Variants in PTPN14 observed in about 807,000 individuals in gnomAD.
PTPN14 encodes protein tyrosine phosphatase non-receptor type 14.
A neutral mutation model predicts 126.8 loss-of-function variants in PTPN14; 53 were observed. The ratio of observed to expected loss-of-function variants is 0.42; its 90% confidence interval spans 0.34 to 0.53. PTPN14 has a LOEUF of 0.53. Among genes scored for constraint, PTPN14 ranks in the 20% least tolerant of loss-of-function variants. The pLI, the probability that PTPN14 is intolerant of heterozygous loss-of-function variation, is 0.08. For missense variants in PTPN14, 1,257 were observed against 1,552.9 expected, an observed-to-expected ratio of 0.81 and a Z score of 3.20; for synonymous variants, 630 against 599.3, an observed-to-expected ratio of 1.05 and a Z score of -0.75.
chr1:214,389,067 T>G (rs1488471677), intron 11 of PTPN14, among the ~76,000 whole-genome samples: 1 of 152,202 alleles, frequency 6.6e-6, no homozygotes, highest in Non-Finnish European at 1.5e-5. Flanking sequence ...GAGTTGCAAT[T>G]TAAAAATATT....
Position 214,356,820 on chromosome 1 carries a change from A to C in PTPN14, c.*1102T>G, listed in dbSNP as rs928895589. On this transcript the variant is annotated 3_prime_UTR_variant, in exon 19 of 19. Coordinates refer to ENST00000366956, the MANE Select transcript of PTPN14 (RefSeq NM_005401.5). The stretch of plus-strand genomic sequence containing the variant: ...TGGCCAGGACCCCTGTTATGTAGCT[A>C]AATGCCTTACAGCTCCCATAAATCA... The C allele has an allele frequency of 1.1e-4, 17 of 152,230 alleles. No homozygotes were observed. Among genetic ancestry groups the C allele is most frequent in the Admixed American group, 5.2e-4 (8 of 15,288 alleles). The allele number at this position is 152,230 out of a possible 1,614,324, so 9.4% of individuals were successfully genotyped here.
intron 3 of PTPN14, among the ~76,000 whole-genome samples, chr1:214,426,899 C>G (rs935905020): frequency 6.6e-6 from 1 of 152,102 alleles, no homozygotes; most frequent in Non-Finnish European, 1.5e-5. Flanking sequence ...GAGCACTCTC[C>G]AGAAGAGAAG....
In PTPN14 at chr1:214,355,154, A is replaced by G. The variant is rs1289218475; in HGVS notation, c.*2768T>C. 6.6e-6 allele frequency: 1 copy of G among 152,246 alleles called. No individual in the cohort carries two copies. The highest frequency in any genetic ancestry group is 1.5e-5 in the Non-Finnish European group (1 of 68,048). The allele number at this position is 152,246 out of a possible 1,614,324, so 9.4% of individuals were successfully genotyped here. On this transcript the variant is annotated 3_prime_UTR_variant, in exon 19 of 19. Transcript: ENST00000366956. ...GGGTTTCAATATAAACTTTGGCTAG[A>G]AAGTTGAATATTAAACCTACTTCCT... is the stretch of plus-strand genomic sequence containing the variant.
At chr1:214,452,465 T>C (rs1660293361) in intron 2 of PTPN14, among the ~76,000 whole-genome samples, 1 of 152,202 alleles carries the variant, frequency 6.6e-6, no homozygotes, top group Admixed American at 6.5e-5. Context: ...CAGTACCAGA[T>C]TTTAACGGAG....
At chr1:214,519,072 C>T (rs1199375155) in intron 1 of PTPN14, among the ~76,000 whole-genome samples, 1 of 152,088 alleles carries the variant, frequency 6.6e-6, no homozygotes, top group Non-Finnish European at 1.5e-5. Context: ...AGTTCAAGAC[C>T]AGCCTGGCCA....
At chr1:214,461,840 T>G (rs987763533) in intron 2 of PTPN14, among the ~76,000 whole-genome samples, 5 of 152,118 alleles carry the variant, frequency 3.3e-5, no homozygotes, top group Admixed American at 6.5e-5. Context: ...TTTTGTTATA[T>G]CTTAGATTGG....
intron 3 of PTPN14, among the ~76,000 whole-genome samples, chr1:214,433,945 CACACACAAAAAAAAAAAAA>C (rs982472574): frequency 6.7e-4 from 12 of 17,966 alleles, no homozygotes; most frequent in African/African-American, 4.6e-3. Flanking sequence ...CACACACACA[CACACACAAAAAAAAAAAAA>C]AAAAAAAACT....
intron 1 of PTPN14, among the ~76,000 whole-genome samples, chr1:214,495,199 T>C (rs1274693456): frequency 6.6e-6 from 1 of 152,222 alleles, no homozygotes; most frequent in Non-Finnish European, 1.5e-5. Flanking sequence ...TGTAAAATCT[T>C]TGGCATACTA....
chr1:214,430,936 T>C (rs571889121), intron 3 of PTPN14, among the ~76,000 whole-genome samples: 77 of 152,304 alleles, frequency 5.1e-4, no homozygotes, highest in African/African-American at 1.7e-3. Flanking sequence ...ACTCTATATC[T>C]TGCAGAATAC....
At chr1:214,360,112 T>C (rs1163779952) in intron 18 of PTPN14, among the ~76,000 whole-genome samples, 1 of 152,132 alleles carries the variant, frequency 6.6e-6, no homozygotes, top group African/African-American at 2.4e-5. Context: ...GGGCAAATGA[T>C]GGCACCCAGG....
At chr1:214,394,140 T>C (rs889770164) in intron 9 of PTPN14, among the ~76,000 whole-genome samples, 1 of 152,262 alleles carries the variant, frequency 6.6e-6, no homozygotes, top group Non-Finnish European at 1.5e-5. Flanking sequence ...GGCAGTGAGA[T>C]GCCTTGGCTC....
rs1571943443 is a variant in PTPN14 at position 214,351,125 on chromosome 1, T to C, written c.*6797A>G. The C allele has an allele frequency of 2.0e-5, 3 of 151,200 alleles. No individual in the cohort carries two copies. The South Asian group carries it at 6.3e-4, about 32-fold the overall frequency. The allele number at this position is 151,200 out of a possible 1,614,324, so 9.4% of individuals were successfully genotyped here. On this transcript the variant is annotated 3_prime_UTR_variant, in exon 19 of 19. Transcript: ENST00000366956. Reference sequence around the variant, plus strand: ...CACTTTGGGAGGCCGAGGGGGGTCATCACGAGGTCAGAGGTTTGAGACCAG... The same window carrying C: ...CACTTTGGGAGGCCGAGGGGGGTCACCACGAGGTCAGAGGTTTGAGACCAG...
At chr1:214,466,696 C>G (rs1660646931) in intron 1 of PTPN14, among the ~76,000 whole-genome samples, 2 of 152,122 alleles carry the variant, frequency 1.3e-5, no homozygotes, top group South Asian at 4.1e-4. Flanking sequence ...TCTTGCTCAT[C>G]TGATTGTTTT....
chr1:214,516,005 C>T (rs1379836108), intron 1 of PTPN14, among the ~76,000 whole-genome samples: 2 of 152,140 alleles, frequency 1.3e-5, no homozygotes, highest in East Asian at 3.9e-4. Context: ...TTGTACTCAA[C>T]TTTTCAAAGC....
In PTPN14 at chr1:214,418,685, T is replaced by C. The variant is rs139888666; in HGVS notation, c.345-3959A>G. Among the ~76,000 whole-genome samples, 761 of 152,390 alleles carry C rather than the reference T, an allele frequency of 5.0e-3. 5 individuals carry two copies. Among genetic ancestry groups the C allele is most frequent in the African/African-American group, 0.018 (731 of 41,596 alleles). ...CCACCCCTACTTAGACAGTCTGAGC[T>C]ACAGCATATGAGGCAAATGTTGAAA... On this transcript the variant is annotated intron_variant, in intron 3 of 18. Transcript: ENST00000366956.
intron 1 of PTPN14, among the ~76,000 whole-genome samples, chr1:214,501,783 G>C (rs1654705822): frequency 6.6e-6 from 1 of 152,134 alleles, no homozygotes; most frequent in African/African-American, 2.4e-5. Flanking sequence ...TTTTAGGCCA[G>C]GTGCAGTGGC....
intron 7 of PTPN14, among the ~76,000 whole-genome samples, chr1:214,399,246 C>T (rs1266625030): frequency 5.4e-4 from 82 of 152,206 alleles, no homozygotes; most frequent in Non-Finnish European, 8.8e-5. Flanking sequence ...AATAAGGTGA[C>T]CAGCTGTGTC....
chr1:214,440,979 A>G (rs1340863249), intron 3 of PTPN14, among the ~76,000 whole-genome samples: 1 of 152,214 alleles, frequency 6.6e-6, no homozygotes, highest in Non-Finnish European at 1.5e-5. Context: ...TCTTACTGGT[A>G]GGTCAGCCCT....
Position 214,364,386 on chromosome 1 carries a change from T to C in PTPN14, c.3435+126A>G. The C allele has an allele frequency of 7.9e-7, 1 of 1,273,528 alleles. No individual in the cohort carries two copies. Among genetic ancestry groups the C allele is most frequent in the Non-Finnish European group, 1.1e-6 (1 of 929,606 alleles). The allele number at this position is 1,273,528 out of a possible 1,614,324, so 78.9% of individuals were successfully genotyped here. ...AGAGTCAAACTAGGAACCAGGAGCC[T>C]GGAAAACTCTGGTTGGGAGACAGGA... is the stretch of plus-strand genomic sequence containing the variant. On this transcript the variant is annotated intron_variant, in intron 18 of 18. Transcript: ENST00000366956. This position sits in a 1 kb window ranked among gnomAD's most constrained non-coding sequence, Gnocchi z 4.1.
Sources: gnomAD v4.1 joint callset for allele counts (sites outside exome capture counted in the v4.1 genomes callset) on GRCh38, gnomAD v4.1.1 for gene constraint, Gnocchi (gnomAD v3.1) non-coding constraint, MANE v1.5 for transcripts, NCBI Gene and HGNC (gene_info 2026-07-23, HGNC 2026-07-21) for gene names.